The following RNF32 variants were observed in gnomAD, a reference collection of about 807,000 sequenced individuals.
The protein encoded by RNF32 is ring finger protein 32.
A neutral mutation model predicts 41.0 loss-of-function variants in RNF32; 36 were observed. The ratio of observed to expected loss-of-function variants is 0.88; its 90% CI spans 0.67 to 1.16. The LOEUF is 1.16. RNF32 is among the 50% of genes most tolerant of loss of function. The pLI is 0.00. For synonymous variants in RNF32, 154 were observed against 160.9 expected, an observed-to-expected ratio of 0.96 and a Z score of 0.32; for missense variants, 413 against 436.7, an observed-to-expected ratio of 0.95 and a Z score of 0.48.
chr7:156,651,769 C>T (rs1273483932), intron 3 of RNF32, among the ~76,000 whole-genome samples: 1 of 152,166 alleles, frequency 6.6e-6, no homozygotes, highest in African/African-American at 2.4e-5. Flanking sequence ...CATTTTTTCA[C>T]ATTTTAGTTT....
At chr7:156,641,912 T>C (rs1264394421) in intron 1 of RNF32, among the ~76,000 whole-genome samples, 3 of 152,198 alleles carry the variant, frequency 2.0e-5, no homozygotes, top group Non-Finnish European at 2.9e-5. Flanking sequence ...AGAAAAGGGC[T>C]GTAGTAAGAA....
In RNF32 at chr7:156,670,413, C is replaced by T. The variant is rs776960076; in HGVS notation, c.685-5283C>T. Among the ~76,000 whole-genome samples, 1 of 152,108 alleles carries T rather than the reference C, an allele frequency of 6.6e-6. No individual in the cohort carries two copies. Among genetic ancestry groups the T allele is most frequent in the Non-Finnish European group, 1.5e-5 (1 of 68,034 alleles). Reference sequence around the variant, plus strand: ...GTGACTTGCCTAAGAGAGGATGTGGCGCAGGATGTCACTGTCAGAATTTGA... The same window carrying T: ...GTGACTTGCCTAAGAGAGGATGTGGTGCAGGATGTCACTGTCAGAATTTGA... On this transcript the variant is annotated intron_variant, in intron 7 of 8. Coordinates refer to ENST00000317955, the MANE Select transcript of RNF32 (RefSeq NM_030936.4). This position sits in a 1 kb window ranked among gnomAD's most constrained non-coding sequence, Gnocchi z 4.3.
intron 4 of RNF32, among the ~76,000 whole-genome samples, chr7:156,655,283 T>C (rs1344973131): frequency 2.0e-5 from 3 of 150,922 alleles, no homozygotes; most frequent in Non-Finnish European, 4.4e-5. Context: ...AGAGAATGCA[T>C]ATATATATAT....
chr7:156,645,263 A>G (rs1797835424), intron 3 of RNF32, among the ~76,000 whole-genome samples: 1 of 152,244 alleles, frequency 6.6e-6, no homozygotes, highest in African/African-American at 2.4e-5. Flanking sequence ...TCAGCTGTAC[A>G]GTTGTAACGC....
intron 7 of RNF32, 39 bp downstream of exon 7, chr7:156,658,609 G>C: frequency 7.4e-7 from 1 of 1,349,700 alleles, no homozygotes; most frequent in Non-Finnish European, 1.1e-6. Flanking sequence ...TATGGTCTCC[G>C]TGCGGGTGGT....
chr7:156,655,642 C>G (rs1354752331), intron 4 of RNF32, among the ~76,000 whole-genome samples: 1 of 152,244 alleles, frequency 6.6e-6, no homozygotes, highest in Non-Finnish European at 1.5e-5. Flanking sequence ...AACAGTTACA[C>G]TTCTATTCAC....
rs113732037 is a variant in RNF32 at position 156,642,756 on chromosome 7, G to A, written c.-77-1045G>A. Among the ~76,000 whole-genome samples, 669 of 152,310 alleles carry A rather than the reference G, an allele frequency of 4.4e-3. 3 individuals are homozygous for A. Among genetic ancestry groups the A allele is most frequent in the Middle Eastern group, 0.024 (7 of 294 alleles). On this transcript the variant is annotated intron_variant, in intron 1 of 8. Transcript: ENST00000317955. ...ACGGGGACGCCCCAGTGAGCCTCAC[G>A]TGCACAGCTTTGGGATGTGGGAGGA...
rs187333411 is a variant in RNF32, at chr7:156,642,421, A to G, written c.-77-1380A>G. Among the ~76,000 whole-genome samples, 816 of 152,332 alleles carry G rather than the reference A, an allele frequency of 5.4e-3. 7 individuals carry two copies. The highest frequency in any genetic ancestry group is 8.4e-3 in the Non-Finnish European group (572 of 68,030). ...CCGGGTTGTGGAGGGGCTGTGTTAA[A>G]GATAATGTTGGCCAAGCCAAAGCTC... On this transcript the variant is annotated intron_variant, in intron 1 of 8. Transcript: ENST00000317955.
At chr7:156,640,354 C>T (rs7787888), upstream of RNF32, 7,181 of 445,620 alleles carry the variant, frequency 0.016, 323 homozygotes, top group East Asian at 0.13. Context: ...GGCTGAGGAG[C>T]GTGGCTGCGC....
chr7:156,675,961 GGAGCC>G, intron 8 of RNF32, 98 bp downstream of exon 8: 1 of 1,287,418 alleles, frequency 7.8e-7, no homozygotes. Context: ...CTCACTTTGG[GGAGCC>G]TAGGAGTGTC....
At chr7:156,644,874 G>C in intron 3 of RNF32, 117 bp downstream of exon 3, 1 of 1,067,908 alleles carries the variant, frequency 9.4e-7, no homozygotes, top group Non-Finnish European at 1.3e-6. Flanking sequence ...ACAGAGAGGT[G>C]TGTATGTATT....
chr7:156,648,124 T>C (rs1361492996), intron 3 of RNF32, among the ~76,000 whole-genome samples: 1 of 152,166 alleles, frequency 6.6e-6, no homozygotes, highest in Non-Finnish European at 1.5e-5. Context: ...TACAACCTTT[T>C]GTAAATCTGA....
intron 1 of RNF32, among the ~76,000 whole-genome samples, chr7:156,641,779 A>T (rs144165413): frequency 2.0e-5 from 3 of 152,362 alleles, no homozygotes; most frequent in African/African-American, 7.2e-5. Context: ...AGGAACTGAG[A>T]AAATTCTGGC....
chr7:156,642,251 G>T (rs1422472138), intron 1 of RNF32, among the ~76,000 whole-genome samples: 1 of 152,220 alleles, frequency 6.6e-6, no homozygotes, highest in African/African-American at 2.4e-5. Flanking sequence ...TAAGAGGAAA[G>T]TTCCCACAGC....
At chr7:156,660,100 G>C in intron 7 of RNF32, 1 of 985,762 alleles carries the variant, frequency 1.0e-6, no homozygotes, top group Middle Eastern at 5.2e-4. Flanking sequence ...CTGCCTCCTC[G>C]TCCTGAGCCC....
intron 7 of RNF32, among the ~76,000 whole-genome samples, chr7:156,673,717 A>G (rs907097233): frequency 6.6e-6 from 1 of 152,104 alleles, no homozygotes; most frequent in Non-Finnish European, 1.5e-5. Context: ...CCTTAAAGCC[A>G]ATACTCATTC....
chr7:156,646,151 G>A (rs1287839240), intron 3 of RNF32, among the ~76,000 whole-genome samples: 2 of 152,216 alleles, frequency 1.3e-5, no homozygotes, highest in Admixed American at 1.3e-4. Context: ...AAAAGGAGAT[G>A]TATTATGCAC....
chr7:156,642,820 G>A (rs886667630), intron 1 of RNF32, among the ~76,000 whole-genome samples: 4 of 152,216 alleles, frequency 2.6e-5, no homozygotes, highest in Admixed American at 6.5e-5. Context: ...CACATGGGGA[G>A]GACGTGCAAA....
intron 7 of RNF32, among the ~76,000 whole-genome samples, chr7:156,663,268 AC>A (rs1422670167): frequency 6.6e-6 from 1 of 152,244 alleles, no homozygotes. Context: ...TAGGTTACTT[AC>A]TGTCATCACA....
Sources: gnomAD v4.1 joint callset for allele counts (sites outside exome capture counted in the v4.1 genomes callset) on GRCh38, gnomAD v4.1.1 for gene constraint, Gnocchi (gnomAD v3.1) non-coding constraint, MANE v1.5 for transcripts, NCBI Gene and HGNC (gene_info 2026-07-23, HGNC 2026-07-21) for gene names.